LIMCH1: variants seen among roughly 807,000 people sequenced by gnomAD.
The protein encoded by LIMCH1 is LIM and calponin homology domains-containing protein 1.
In LIMCH1, 113 loss-of-function variants were observed where a neutral mutation model predicts 176.5. That is an observed-to-expected ratio of 0.64 (90% CI 0.55 to 0.75). The LOEUF is 0.75. Ranked by LOEUF, LIMCH1 falls within the 30% of genes least tolerant of loss-of-function variation. The probability of loss-of-function intolerance (pLI) is 0.00; values close to 1 mark genes in which losing one functional copy is unlikely to be tolerated. For missense variants in LIMCH1, 1,674 were observed against 1,814.9 expected (o/e 0.92, Z 1.41); for synonymous variants, 619 against 645.9 (o/e 0.96, Z 0.63).
chr4:41,542,937 T>G (rs538341966), intron 1 of LIMCH1, among the ~76,000 whole-genome samples: 2 of 152,268 alleles, frequency 1.3e-5, no homozygotes, highest in Non-Finnish European at 1.5e-5. Flanking sequence ...GTTTCGATGC[T>G]GGCAAAACTG....
intron 1 of LIMCH1, among the ~76,000 whole-genome samples, chr4:41,490,188 C>T (rs985366688): frequency 2.6e-5 from 4 of 151,476 alleles, no homozygotes; most frequent in African/African-American, 9.7e-5. Context: ...TTAATCCATG[C>T]GTAAGTGGAC....
intron 17 of LIMCH1, among the ~76,000 whole-genome samples, chr4:41,647,434 G>A (rs1193471671): frequency 6.6e-6 from 1 of 152,202 alleles, no homozygotes; most frequent in Non-Finnish European, 1.5e-5. Flanking sequence ...CCTCAAATGA[G>A]ACAGGTTTTT....
chr4:41,394,784 G>T (rs1297389163), intron 1 of LIMCH1, among the ~76,000 whole-genome samples: 1 of 152,196 alleles, frequency 6.6e-6, no homozygotes, highest in Non-Finnish European at 1.5e-5. Flanking sequence ...CGTGGTGGAG[G>T]AATCTGAGTG....
chr4:41,604,644 C>T (rs1238059121), intron 3 of LIMCH1, among the ~76,000 whole-genome samples: 2 of 152,100 alleles, frequency 1.3e-5, no homozygotes, highest in Non-Finnish European at 2.9e-5. Flanking sequence ...TAACCTAAAA[C>T]ACAACAGTCT....
At chr4:41,398,498 A>G (rs992822818) in intron 1 of LIMCH1, among the ~76,000 whole-genome samples, 1 of 152,114 alleles carries the variant, frequency 6.6e-6, no homozygotes, top group East Asian at 1.9e-4. Flanking sequence ...TTGTTCTTAT[A>G]GAGGCTAGGA....
chr4:41,524,764 G>A (rs1430038588), intron 3 of LIMCH1, among the ~76,000 whole-genome samples: 1 of 152,186 alleles, frequency 6.6e-6, no homozygotes, highest in Non-Finnish European at 1.5e-5. Context: ...TGACCCTTGG[G>A]GGAGGAATGT....
chr4:41,624,079 A>G (rs2092774733), intron 7 of LIMCH1, among the ~76,000 whole-genome samples: 2 of 152,186 alleles, frequency 1.3e-5, no homozygotes, highest in Admixed American at 6.5e-5. Context: ...AAGAACCAAG[A>G]TGCACTTCCC....
At position 41,374,053 on chromosome 4, in the gene LIMCH1, G is replaced by A. The variant is rs1281743527; in HGVS notation, c.96+13117G>A. Among the ~76,000 whole-genome samples the A allele has an allele frequency of 3.3e-5, 5 of 152,262 alleles. No individual in the cohort carries two copies. The East Asian group carries it at 5.8e-4, about 18-fold the overall frequency. ...TCCTGTAGAGCCTGCAGGACTGTAA[G>A]CCAATTAAACCTTTTTTCTTTATAA... On this transcript the variant is annotated intron_variant, in intron 1 of 26. Transcript: ENST00000313860.
chr4:41,426,273 G>A (rs1307203094), intron 1 of LIMCH1, among the ~76,000 whole-genome samples: 1 of 151,786 alleles, frequency 6.6e-6, no homozygotes, highest in Non-Finnish European at 1.5e-5. Context: ...CGCCCGCCTC[G>A]GCCTCCCAAA....
chr4:41,453,944 C>T (rs2064201772), intron 1 of LIMCH1, among the ~76,000 whole-genome samples: 1 of 152,102 alleles, frequency 6.6e-6, no homozygotes, highest in East Asian at 1.9e-4. Flanking sequence ...CCCTCTTCTA[C>T]CCTTCTCTCC....
intron 1 of LIMCH1, among the ~76,000 whole-genome samples, chr4:41,409,474 A>T (rs1461965667): frequency 6.6e-6 from 1 of 152,208 alleles, no homozygotes; most frequent in Non-Finnish European, 1.5e-5. Context: ...GTATCTAGTG[A>T]TAACTAGTAA....
At chr4:41,477,932 T>C (rs1274742070) in intron 1 of LIMCH1, among the ~76,000 whole-genome samples, 2 of 152,170 alleles carry the variant, frequency 1.3e-5, no homozygotes, top group Non-Finnish European at 2.9e-5. Context: ...ACCTTAATGG[T>C]GGACTTGAGG....
chr4:41,653,336 TA>T (rs11288179), intron 18 of LIMCH1, among the ~76,000 whole-genome samples: 11,321 of 141,826 alleles, frequency 0.08, 490 homozygotes, highest in South Asian at 0.15. Context: ...ATACTCCTGT[TA>T]AAAAAAAAAA....
chr4:41,623,632 A>G (rs1386186632), intron 7 of LIMCH1, among the ~76,000 whole-genome samples: 1 of 152,122 alleles, frequency 6.6e-6, no homozygotes, highest in East Asian at 1.9e-4. Context: ...GTGGTGGCAT[A>G]GGCCTGTAAT....
intron 1 of LIMCH1, among the ~76,000 whole-genome samples, chr4:41,471,247 G>A (rs1272355247): frequency 1.3e-5 from 2 of 152,088 alleles, no homozygotes; most frequent in African/African-American, 4.8e-5. Flanking sequence ...AAATTATCGT[G>A]CTAGTCACAT....
At chr4:41,581,037 A>G (rs1004051004) in intron 1 of LIMCH1, among the ~76,000 whole-genome samples, 13 of 152,336 alleles carry the variant, frequency 8.5e-5, no homozygotes, top group Admixed American at 2.0e-4. Context: ...AAAGGATTCC[A>G]GAGCCAGACG....
chr4:41,673,429 A>G (rs2095118615), intron 22 of LIMCH1, among the ~76,000 whole-genome samples: 3 of 152,260 alleles, frequency 2.0e-5, no homozygotes, highest in Admixed American at 1.3e-4. Flanking sequence ...AGAATAAGAA[A>G]GAGACAAATC....
chr4:41,618,408 A>G (rs1358958148), intron 5 of LIMCH1, among the ~76,000 whole-genome samples: 3 of 152,252 alleles, frequency 2.0e-5, no homozygotes, highest in Non-Finnish European at 2.9e-5. Flanking sequence ...AGCCAAACCA[A>G]CTCTTTTATT....
At chr4:41,547,481 C>T (rs1377723238) in intron 1 of LIMCH1, among the ~76,000 whole-genome samples, 1 of 150,266 alleles carries the variant, frequency 6.7e-6, no homozygotes, top group Non-Finnish European at 1.5e-5. Context: ...CCTGTCTTAG[C>T]CACTTCCCAG....
Sources: gnomAD v4.1 joint callset for allele counts (sites outside exome capture counted in the v4.1 genomes callset) on GRCh38, gnomAD v4.1.1 for gene constraint, MANE v1.5 for transcripts, NCBI Gene and HGNC (gene_info 2026-07-23, HGNC 2026-07-21) for gene names.